SLC31A1: variants seen among roughly 807,000 people sequenced by gnomAD.
The protein encoded by SLC31A1 is high affinity copper uptake protein 1.
Under a neutral mutation model 17.2 loss-of-function variants are expected in SLC31A1, and 5 were observed. That is an observed-to-expected ratio of 0.29 (90% CI 0.15 to 0.61). The LOEUF is 0.61. Among genes scored for constraint, SLC31A1 ranks in the 20% least tolerant of loss-of-function variants. The pLI, the probability that SLC31A1 is intolerant of heterozygous loss-of-function variation, is 0.86. For missense variants in SLC31A1, 161 were observed against 241.4 expected (o/e 0.67, Z 2.21); for synonymous variants, 76 against 78.8 (o/e 0.96, Z 0.19).
Position 113,262,989 on chromosome 9 carries a change from A to C in SLC31A1, c.*2516A>C, listed in dbSNP as rs988020992. ...AGCCTGGACAACATAGTGAGATCCT[A>C]TCTCTATAAAAAATCAAAAATTAGC... On this transcript the variant is annotated 3_prime_UTR_variant, in exon 5 of 5. Coordinates refer to ENST00000374212, the MANE Select transcript of SLC31A1 (RefSeq NM_001859.4). The C allele has an allele frequency of 6.6e-6, 1 of 152,218 alleles. No individual in the cohort carries two copies. The highest frequency in any genetic ancestry group is 2.4e-5 in the African/African-American group (1 of 41,434). 9.4% of individuals were successfully genotyped at this position (152,218 alleles called of 1,614,324 possible). A position where few individuals can be genotyped will look rare whatever the true frequency, so the allele number is the denominator to read the frequency against.
intron 1 of SLC31A1, among the ~76,000 whole-genome samples, chr9:113,241,826 C>A (rs1176484862): frequency 6.6e-6 from 1 of 152,170 alleles, no homozygotes; most frequent in Non-Finnish European, 1.5e-5. Flanking sequence ...TTCTCAATAC[C>A]ATTCTATCAG....
At chr9:113,244,975 C>T (rs888274582) in intron 1 of SLC31A1, among the ~76,000 whole-genome samples, 1 of 152,060 alleles carries the variant, frequency 6.6e-6, no homozygotes, top group Admixed American at 6.6e-5. Context: ...CTCCACTCAT[C>T]GTTTTACTTA....
At chr9:113,225,342 GGT>G (rs1403159807) in intron 1 of SLC31A1, among the ~76,000 whole-genome samples, 3 of 152,218 alleles carry the variant, frequency 2.0e-5, no homozygotes, top group African/African-American at 7.2e-5. Context: ...TGAAGGTCAA[GGT>G]GACAAGTTTG....
intron 1 of SLC31A1, among the ~76,000 whole-genome samples, chr9:113,236,494 G>A (rs2118991896): frequency 6.6e-6 from 1 of 152,184 alleles, no homozygotes; most frequent in South Asian, 2.1e-4. Flanking sequence ...CTCCCGAGTA[G>A]CTGGGACTAC....
At chr9:113,224,892 T>C (rs1037793078) in intron 1 of SLC31A1, among the ~76,000 whole-genome samples, 2 of 152,248 alleles carry the variant, frequency 1.3e-5, no homozygotes, top group African/African-American at 4.8e-5. Flanking sequence ...ACTCAGTTTT[T>C]GCCTTTGTAA....
At chr9:113,225,173 T>G (rs1831327475) in intron 1 of SLC31A1, among the ~76,000 whole-genome samples, 1 of 152,240 alleles carries the variant, frequency 6.6e-6, no homozygotes, top group Non-Finnish European at 1.5e-5. Context: ...GAAGTGTTGT[T>G]CCCATCACAT....
At position 113,260,888 on chromosome 9, in the gene SLC31A1, G is replaced by A; in HGVS notation, c.*415G>A. 9.8e-6 allele frequency: 3 copies of A among 307,266 alleles called. No homozygotes were observed. The highest frequency in any genetic ancestry group is 8.8e-5 in the South Asian group (3 of 33,980). The allele number at this position is 307,266 out of a possible 1,614,324, so 19.0% of individuals were successfully genotyped here. On this transcript the variant is annotated 3_prime_UTR_variant, in exon 5 of 5. Transcript: ENST00000374212. ...TCCCCTGGGTCAGTGATGGAAAGGG[G>A]TTAACTTCAGCCAGGATTGATGGCA...
chr9:113,234,480 AT>A (rs869088669), intron 1 of SLC31A1, among the ~76,000 whole-genome samples: 5,480 of 59,946 alleles, frequency 0.091, 126 homozygotes, highest in East Asian at 0.18. Flanking sequence ...CCTGGCCATC[AT>A]TTTTTTTTTT....
intron 1 of SLC31A1, among the ~76,000 whole-genome samples, chr9:113,255,091 T>G (rs1023257089): frequency 6.6e-6 from 1 of 152,188 alleles, no homozygotes; most frequent in African/African-American, 2.4e-5. Flanking sequence ...GGATTGAAAT[T>G]GTATCTGAAG....
At chr9:113,256,047 A>G in intron 1 of SLC31A1, 67 bp from the exon 2 acceptor site, 1 of 1,238,540 alleles carries the variant, frequency 8.1e-7, no homozygotes, top group Non-Finnish European at 1.1e-6. Flanking sequence ...TCCATCTCTA[A>G]AAATAAAAAA....
At chr9:113,256,374 G>A (rs1831728661) in intron 2 of SLC31A1, 97 bp downstream of exon 2, 1 of 1,429,350 alleles carries the variant, frequency 7.0e-7, no homozygotes, top group East Asian at 2.4e-5. Flanking sequence ...ATCTTTAAAG[G>A]TCAGTTTACC....
intron 1 of SLC31A1, among the ~76,000 whole-genome samples, chr9:113,232,890 G>A (rs1013683271): frequency 2.0e-5 from 3 of 152,010 alleles, no homozygotes; most frequent in Non-Finnish European, 4.4e-5. Context: ...TTAGCTATGG[G>A]GTAGTTGGTG....
Position 113,258,792 on chromosome 9 carries a change from A to G in SLC31A1, c.301A>G (p.Ile101Val), listed in dbSNP as rs201657550. 6.2e-7 allele frequency: 1 copy of G among 1,614,264 alleles called. No homozygotes were observed. Among genetic ancestry groups the G allele is most frequent in the Admixed American group, 1.7e-5 (1 of 60,016 alleles). Residue 101 changes from isoleucine (I) to valine (V), a missense_variant, in exon 4 of 5, where the codon ATT becomes GTT. Ile to Val is a conservative substitution (Grantham distance 29). Transcript: ENST00000374212. The surrounding 1 kb of genome is among the most constrained non-coding windows in gnomAD (Gnocchi z 4.8). ...ESLLRKSQVS[I>V]RYNSMPVPGP... ...CCTGCTGCGTAAGTCACAAGTCAGCATTCGCTACAATTCCATGCCTGTCCC... is the reference window on the plus strand; with the variant it reads ...CCTGCTGCGTAAGTCACAAGTCAGCGTTCGCTACAATTCCATGCCTGTCCC...
intron 1 of SLC31A1, among the ~76,000 whole-genome samples, chr9:113,224,290 T>A (rs1382036863): frequency 6.6e-6 from 1 of 152,242 alleles, no homozygotes; most frequent in Non-Finnish European, 1.5e-5. Flanking sequence ...ATGGTATTTT[T>A]AACATGGAAT....
chr9:113,250,994 G>T (rs1408976411), intron 1 of SLC31A1, among the ~76,000 whole-genome samples: 4 of 152,120 alleles, frequency 2.6e-5, no homozygotes, highest in Non-Finnish European at 5.9e-5. Flanking sequence ...AAAGATGCTG[G>T]CACCATGCTC....
chr9:113,249,661 C>T (rs563069455), intron 1 of SLC31A1, among the ~76,000 whole-genome samples: 11 of 152,214 alleles, frequency 7.2e-5, no homozygotes, highest in Non-Finnish European at 1.3e-4. Context: ...CCACCACACC[C>T]GGCCACAGTA....
chr9:113,257,858 A>G (rs922856469), intron 3 of SLC31A1, among the ~76,000 whole-genome samples: 2 of 152,222 alleles, frequency 1.3e-5, no homozygotes, highest in African/African-American at 2.4e-5. Flanking sequence ...GTACCACAAA[A>G]TAAGTTTAAA....
intron 1 of SLC31A1, among the ~76,000 whole-genome samples, chr9:113,237,196 A>G (rs1284807759): frequency 6.6e-6 from 1 of 152,208 alleles, no homozygotes; most frequent in Non-Finnish European, 1.5e-5. Context: ...TAGAGCAGCC[A>G]AGAGTACTGC....
chr9:113,226,249 A>G (rs1242735884), intron 1 of SLC31A1, among the ~76,000 whole-genome samples: 2 of 152,174 alleles, frequency 1.3e-5, no homozygotes, highest in Non-Finnish European at 2.9e-5. Flanking sequence ...ACTGCATTTT[A>G]AAGTGGACAG....
Sources: allele counts gnomAD v4.1 joint callset (sites outside exome capture counted in the v4.1 genomes callset), GRCh38; gene constraint gnomAD v4.1.1; non-coding constraint Gnocchi (gnomAD v3.1); transcripts MANE v1.5; gene names NCBI Gene and HGNC (gene_info 2026-07-23, HGNC 2026-07-21).